Variants in MAML3 observed in about 807,000 individuals in gnomAD.
The protein encoded by MAML3 is mastermind like transcriptional coactivator 3.
MAML3 carries 27 observed loss-of-function variants against 101.9 expected under a neutral mutation model. The observed-to-expected ratio is 0.27, with a 90% CI of 0.20 to 0.37. The LOEUF (loss-of-function observed/expected upper bound fraction) is 0.37, where lower values mean the gene tolerates loss of function less well. Among genes scored for constraint, MAML3 ranks in the 10% least tolerant of loss-of-function variants. MAML3 has a pLI of 1.00. For synonymous variants in MAML3, 501 were observed against 555.9 expected, an observed-to-expected ratio of 0.90 and a Z score of 1.39; for missense variants, 1,316 against 1,444.9, an observed-to-expected ratio of 0.91 and a Z score of 1.45.
Position 140,069,734 on chromosome 4 carries a change from G to A in MAML3, c.468+83126C>T, listed in dbSNP as rs530633370. The stretch of plus-strand genomic sequence containing the variant: ...AAGAAAGAAGAAAGAAGAAGGAGCC[G>A]GGATGCATTTAGTAGCAGAAGGACT... On this transcript the variant is annotated intron_variant, in intron 1 of 4. Transcript: ENST00000509479. 1.1e-4 allele frequency among the ~76,000 whole-genome samples: 17 copies of A among 152,108 alleles called. No homozygotes were observed. The South Asian group carries it at 2.3e-3, about 20-fold the overall frequency.
At chr4:139,732,338 T>C (rs535727619) in intron 2 of MAML3, among the ~76,000 whole-genome samples, 4 of 152,280 alleles carry the variant, frequency 2.6e-5, no homozygotes, top group Non-Finnish European at 5.9e-5. Context: ...TTCTGTGGTG[T>C]GCTGTAGAAC....
chr4:140,029,092 G>T (rs1342598656), intron 1 of MAML3, among the ~76,000 whole-genome samples: 1 of 152,174 alleles, frequency 6.6e-6, no homozygotes, highest in Non-Finnish European at 1.5e-5. Flanking sequence ...CCAGCTAAAT[G>T]GTCAGAGACT....
In MAML3 at chr4:139,735,717, T is replaced by C. The variant is rs563786377; in HGVS notation, c.2080-5050A>G. ...AATTTAGCCTCTCGACTCCAGCCTATATGCTTACAAGTCCTCAGGGGACTC... is the reference window on the plus strand; with the variant it reads ...AATTTAGCCTCTCGACTCCAGCCTACATGCTTACAAGTCCTCAGGGGACTC... On this transcript the variant is annotated intron_variant, in intron 2 of 4. Transcript: ENST00000509479. The surrounding 1 kb of genome is among the most constrained non-coding windows in gnomAD (Gnocchi z 5.8). Among the ~76,000 whole-genome samples, 91 of 152,326 alleles carry C rather than the reference T, an allele frequency of 6.0e-4. No individual in the cohort carries two copies. The highest frequency in any genetic ancestry group is 1.2e-3 in the East Asian group (6 of 5,178).
At position 139,919,354 on chromosome 4, in the gene MAML3, C is replaced by T. The variant is rs367548182; in HGVS notation, c.469-28387G>A. Among the ~76,000 whole-genome samples the T allele has an allele frequency of 7.2e-5, 11 of 152,304 alleles. No homozygotes were observed. In the South Asian group the frequency reaches 2.3e-3, roughly 32 times the overall value. On this transcript the variant is annotated intron_variant, in intron 1 of 4. Coordinates refer to ENST00000509479, the MANE Select transcript of MAML3 (RefSeq NM_018717.5). ...CAAATGCCTTAAAGGAGCTAGGATT[C>T]ACTTTTTCTTTTTATCTCAAAGTTA...
chr4:139,871,714 C>T (rs1370090217), intron 2 of MAML3, among the ~76,000 whole-genome samples: 1 of 152,210 alleles, frequency 6.6e-6, no homozygotes, highest in Admixed American at 6.5e-5. Flanking sequence ...TCAGGTTGCA[C>T]TTTTTGTTCC....
At chr4:140,069,836 C>T (rs1445641832) in intron 1 of MAML3, among the ~76,000 whole-genome samples, 1 of 151,184 alleles carries the variant, frequency 6.6e-6, no homozygotes, top group Non-Finnish European at 1.5e-5. Flanking sequence ...AAAATCTAGG[C>T]TGGGCATGGT....
chr4:139,881,925 C>T (rs1732228462), intron 2 of MAML3, among the ~76,000 whole-genome samples: 1 of 151,962 alleles, frequency 6.6e-6, no homozygotes, highest in Non-Finnish European at 1.5e-5. Flanking sequence ...GGTCTCAACT[C>T]AAGTGATCCG....
intron 2 of MAML3, among the ~76,000 whole-genome samples, chr4:139,750,891 T>G (rs992361917): frequency 2.0e-5 from 3 of 152,238 alleles, no homozygotes; most frequent in Admixed American, 1.3e-4. Context: ...GTTTTGCTTT[T>G]ACATTTCTGA....
chr4:139,941,551 G>T (rs543904712), intron 1 of MAML3, among the ~76,000 whole-genome samples: 33 of 151,970 alleles, frequency 2.2e-4, no homozygotes, highest in African/African-American at 4.6e-4. Flanking sequence ...GTTGGTGGTG[G>T]TGGTGGTGGT....
At chr4:139,756,608 C>T (rs7656943) in intron 2 of MAML3, among the ~76,000 whole-genome samples, 147,016 of 152,266 alleles carry the variant, frequency 0.97, 71,201 homozygotes, top group East Asian at 1. Context: ...TAATAAAACA[C>T]TTCTGGAAAT....
chr4:139,931,104 G>C (rs1578603455), intron 1 of MAML3, among the ~76,000 whole-genome samples: 1 of 152,090 alleles, frequency 6.6e-6, no homozygotes, highest in East Asian at 1.9e-4. Flanking sequence ...GTTGCAGCAG[G>C]ACTGACTGTA....
chr4:140,019,112 C>T (rs1234023962), intron 1 of MAML3, among the ~76,000 whole-genome samples: 7 of 145,848 alleles, frequency 4.8e-5, no homozygotes, highest in Non-Finnish European at 7.4e-5. Flanking sequence ...TTAACTCTGC[C>T]CTCCGCCCAC....
chr4:139,740,512 A>AT (rs1451022895), intron 2 of MAML3: 1 of 152,156 alleles, frequency 6.6e-6, no homozygotes, highest in African/African-American at 2.4e-5. Context: ...GAGCAGTCTC[A>AT]GCTGTCTTCA....
chr4:139,857,278 AG>A (rs1427825880), intron 2 of MAML3, among the ~76,000 whole-genome samples: 4 of 152,130 alleles, frequency 2.6e-5, no homozygotes, highest in Non-Finnish European at 5.9e-5. Flanking sequence ...TCTGTTTTTG[AG>A]CTAGAGGGCT....
At chr4:140,066,846 T>C (rs1727544419) in intron 1 of MAML3, among the ~76,000 whole-genome samples, 1 of 152,232 alleles carries the variant, frequency 6.6e-6, no homozygotes, top group Admixed American at 6.5e-5. Flanking sequence ...TTAGTATCAG[T>C]TTGAACCTAA....
chr4:139,853,906 C>A (rs1372324433), intron 2 of MAML3, among the ~76,000 whole-genome samples: 1 of 152,008 alleles, frequency 6.6e-6, no homozygotes, highest in Non-Finnish European at 1.5e-5. Context: ...ACTGCAACCT[C>A]TGCCTCCTGG....
chr4:139,747,314 C>G (rs1225827295), intron 2 of MAML3, among the ~76,000 whole-genome samples: 1 of 152,180 alleles, frequency 6.6e-6, no homozygotes. Context: ...CTTTCCCCCA[C>G]CTTTTAGACA....
chr4:139,894,280 G>A (rs952665280), intron 1 of MAML3, among the ~76,000 whole-genome samples: 29 of 152,268 alleles, frequency 1.9e-4, no homozygotes, highest in African/African-American at 7.0e-4. Context: ...GGAGGCTGAG[G>A]TGGGCAGATC....
chr4:139,889,233 G>T (rs767900148), intron 2 of MAML3, 124 bp downstream of exon 2: 2 of 1,567,316 alleles, frequency 1.3e-6, no homozygotes, highest in Non-Finnish European at 1.7e-6. Context: ...ACCTGAGGAT[G>T]TGTAAAGAGG....
Sources: allele counts gnomAD v4.1 joint callset (sites outside exome capture counted in the v4.1 genomes callset), GRCh38; gene constraint gnomAD v4.1.1; non-coding constraint Gnocchi (gnomAD v3.1); transcripts MANE v1.5; gene names NCBI Gene and HGNC (gene_info 2026-07-23, HGNC 2026-07-21).